SPATS2L: variants seen among roughly 807,000 people sequenced by gnomAD.
SPATS2L encodes the protein SPATS2-like protein.
Under a neutral mutation model 59.6 loss-of-function variants are expected in SPATS2L, and 30 were observed. The observed-to-expected ratio is 0.50, with a 90% CI of 0.38 to 0.68. The LOEUF (loss-of-function observed/expected upper bound fraction) is 0.68, where lower values mean the gene tolerates loss of function less well. Ranked by LOEUF, SPATS2L falls within the 30% of genes least tolerant of loss-of-function variation. The probability of loss-of-function intolerance (pLI) is 0.00; values close to 1 mark genes in which losing one functional copy is unlikely to be tolerated. For missense variants in SPATS2L, 615 were observed against 700.0 expected (o/e 0.88, Z 1.37); for synonymous variants, 252 against 263.5 (o/e 0.96, Z 0.42).
intron 3 of SPATS2L, among the ~76,000 whole-genome samples, chr2:200,393,825 A>C (rs1231468089): frequency 2.6e-5 from 4 of 152,244 alleles, no homozygotes; most frequent in African/African-American, 9.6e-5. Flanking sequence ...AAGCTTGTAG[A>C]GATCAGATAA....
At chr2:200,350,077 C>T (rs1312789604) in intron 2 of SPATS2L, among the ~76,000 whole-genome samples, 1 of 152,188 alleles carries the variant, frequency 6.6e-6, no homozygotes, top group African/African-American at 2.4e-5. Context: ...GTCTCAGCCT[C>T]TTGGGTTCAG....
chr2:200,449,390 T>C (rs2085288793), intron 8 of SPATS2L, among the ~76,000 whole-genome samples: 1 of 152,246 alleles, frequency 6.6e-6, no homozygotes, highest in Admixed American at 6.5e-5. Context: ...ATACGTTATG[T>C]CAGTCACACA....
At chr2:200,467,203 G>A in intron 9 of SPATS2L, 87 bp from the exon 10 acceptor site, 1 of 910,832 alleles carries the variant, frequency 1.1e-6, no homozygotes, top group South Asian at 1.5e-5. Context: ...CAATCAGTCT[G>A]TGGAGTGAGA....
intron 2 of SPATS2L, among the ~76,000 whole-genome samples, chr2:200,351,653 G>A (rs2080732429): frequency 6.6e-6 from 1 of 152,018 alleles, no homozygotes; most frequent in African/African-American, 2.4e-5. Flanking sequence ...ACTGAAGGAT[G>A]GGGCATAAAA....
At chr2:200,339,229 G>A (rs2080243051) in intron 2 of SPATS2L, among the ~76,000 whole-genome samples, 1 of 152,130 alleles carries the variant, frequency 6.6e-6, no homozygotes, top group Admixed American at 6.6e-5. Context: ...CAAGCTGGAA[G>A]TAATTTTAGC....
chr2:200,440,341 T>C (rs1287845701), intron 7 of SPATS2L, among the ~76,000 whole-genome samples: 1 of 152,238 alleles, frequency 6.6e-6, no homozygotes, highest in Admixed American at 6.5e-5. Context: ...AAATGGTCTT[T>C]AGACGTATCA....
intron 1 of SPATS2L, among the ~76,000 whole-genome samples, chr2:200,315,521 A>G (rs2079341914): frequency 6.6e-6 from 1 of 152,136 alleles, no homozygotes; most frequent in African/African-American, 2.4e-5. Context: ...CCTGCCGTTG[A>G]TTCTTCCTAG....
chr2:200,381,861 G>C (rs547803385), intron 2 of SPATS2L, among the ~76,000 whole-genome samples: 62 of 152,258 alleles, frequency 4.1e-4, no homozygotes, highest in African/African-American at 1.4e-3. Context: ...CCAAAGTCAG[G>C]TACACAGACA....
chr2:200,341,725 T>C (rs2080332244), intron 2 of SPATS2L, among the ~76,000 whole-genome samples: 1 of 150,950 alleles, frequency 6.6e-6, no homozygotes, highest in African/African-American at 2.4e-5. Flanking sequence ...AGTTTTGCTC[T>C]GTCGCCCAGG....
At chr2:200,470,103 C>A (rs372664469) in intron 11 of SPATS2L, 87 bp downstream of exon 11, 6 of 1,062,932 alleles carry the variant, frequency 5.6e-6, no homozygotes, top group South Asian at 4.5e-5. Context: ...GGTGTGCAGT[C>A]CCCCCAGGGG....
At chr2:200,476,556 G>A (rs1052627594) in intron 12 of SPATS2L, among the ~76,000 whole-genome samples, 11 of 152,188 alleles carry the variant, frequency 7.2e-5, no homozygotes, top group African/African-American at 1.7e-4. Context: ...TGAACCCCTC[G>A]GGGGAGGGAG....
intron 6 of SPATS2L, among the ~76,000 whole-genome samples, chr2:200,420,932 G>A (rs1385251844): frequency 2.6e-5 from 4 of 151,998 alleles, no homozygotes; most frequent in Non-Finnish European, 4.4e-5. Flanking sequence ...TTTTAAAAAT[G>A]CCCGCTCAGT....
chr2:200,472,879 C>T lies in SPATS2L; in HGVS notation c.1108C>T (p.Leu370=). Residue 370 remains leucine, a synonymous_variant, in exon 12 of 13, where the codon CTG becomes TTG. Coordinates refer to ENST00000409140, the MANE Select transcript of SPATS2L (RefSeq NM_001100423.2). ...NYSSRTPCSS[L]LPLLNAHAAT... is the part of the protein sequence containing the mutation. Reference sequence around the variant, plus strand: ...TTCCTCAAGAACTCCCTGCAGCTCCCTGCTGCCTCTGCTGAATGCGCACGC... The same window carrying T: ...TTCCTCAAGAACTCCCTGCAGCTCCTTGCTGCCTCTGCTGAATGCGCACGC... 3 of 1,613,972 alleles carry T rather than the reference C, an allele frequency of 1.9e-6. No individual in the cohort carries two copies. The East Asian group carries it at 6.7e-5, about 36-fold the overall frequency.
chr2:200,333,394 A>G (rs1339282148), intron 2 of SPATS2L, among the ~76,000 whole-genome samples: 1 of 151,130 alleles, frequency 6.6e-6, no homozygotes, highest in Non-Finnish European at 1.5e-5. Flanking sequence ...GATATTTTAT[A>G]TATTTATGGG....
At chr2:200,376,101 G>C (rs983270741) in intron 2 of SPATS2L, among the ~76,000 whole-genome samples, 2 of 152,118 alleles carry the variant, frequency 1.3e-5, no homozygotes, top group Non-Finnish European at 2.9e-5. Context: ...CTTGTCAAAG[G>C]CATTGTATTT....
intron 6 of SPATS2L, among the ~76,000 whole-genome samples, chr2:200,431,922 A>C (rs970063782): frequency 6.6e-6 from 1 of 152,256 alleles, no homozygotes; most frequent in Non-Finnish European, 1.5e-5. Flanking sequence ...TGATACTAAG[A>C]TTTAGTAACC....
intron 8 of SPATS2L, among the ~76,000 whole-genome samples, chr2:200,455,031 G>T (rs896784217): frequency 3.3e-5 from 5 of 152,188 alleles, no homozygotes; most frequent in Admixed American, 3.3e-4. Flanking sequence ...TGTGTGTTTG[G>T]TGAGTATCAT....
intron 8 of SPATS2L, among the ~76,000 whole-genome samples, chr2:200,441,532 A>G (rs1288424777): frequency 6.6e-6 from 1 of 152,156 alleles, no homozygotes; most frequent in Non-Finnish European, 1.5e-5. Context: ...GACAAATTTG[A>G]CTGTAAATCC....
At chr2:200,443,646 T>A (rs2084844544) in intron 8 of SPATS2L, among the ~76,000 whole-genome samples, 2 of 152,210 alleles carry the variant, frequency 1.3e-5, no homozygotes, top group African/African-American at 4.8e-5. Flanking sequence ...TTCGTGTAGT[T>A]GAGAACTAGA....
Sources: allele counts gnomAD v4.1 joint callset (sites outside exome capture counted in the v4.1 genomes callset), GRCh38; gene constraint gnomAD v4.1.1; transcripts MANE v1.5; gene names NCBI Gene and HGNC (gene_info 2026-07-23, HGNC 2026-07-21).